The following GNAT2 variants were observed in gnomAD, a reference collection of about 807,000 sequenced individuals.
The protein encoded by GNAT2 is G protein subunit alpha transducin 2.
A neutral mutation model predicts 40.9 loss-of-function variants in GNAT2; 32 were observed. The observed-to-expected ratio is 0.78, with a 90% CI of 0.59 to 1.05. The LOEUF (loss-of-function observed/expected upper bound fraction) is 1.05. GNAT2 is among the 50% of genes least tolerant of loss of function. The probability of loss-of-function intolerance (pLI) is 0.00; values close to 1 mark genes in which losing one functional copy is unlikely to be tolerated. For missense variants in GNAT2, 355 were observed against 431.5 expected (o/e 0.82, Z 1.57); for synonymous variants, 141 against 157.2 (o/e 0.90, Z 0.77).
At chr1:109,612,277 C>G in intron 2 of GNAT2, 1 of 205,520 alleles carries the variant, frequency 4.9e-6, no homozygotes, top group Admixed American at 5.2e-5. Flanking sequence ...CAAGAAGGAA[C>G]CACTATACTT....
chr1:109,603,290 T>C lies in GNAT2; in HGVS notation c.*64A>G, dbSNP rs1227991598. 2 of 865,942 alleles carry C rather than the reference T, an allele frequency of 2.3e-6. No individual in the cohort carries two copies. The highest frequency in any genetic ancestry group is 4.0e-6 in the Non-Finnish European group (2 of 505,796). 53.6% of individuals were successfully genotyped at this position (865,942 alleles called of 1,614,324 possible). ...TGTCATGGTATATTGACTATAATTT[T>C]CTGTTTTTAATTACCCAGATTCCAA... On this transcript the variant is annotated 3_prime_UTR_variant, in exon 9 of 9. Transcript: ENST00000679935.
chr1:109,610,109 C>T lies in GNAT2; in HGVS notation c.234G>A (p.Leu78=). Residue 78 remains leucine (L), a synonymous_variant, in exon 4 of 9, where the codon CTG becomes CTA. Transcript: ENST00000679935. ...EFKAIIYGNV[L]QSILAIIRAM... is the part of the protein sequence containing the mutation. ...CCCGGATGATAGCCAGGATGGACTG[C>T]AGCACATTTCCATAGATGATAGCCT... 6.2e-7 allele frequency: 1 copy of T among 1,613,440 alleles called. No individual in the cohort carries two copies. Among genetic ancestry groups the T allele is most frequent in the Non-Finnish European group, 8.5e-7 (1 of 1,179,360 alleles).
intron 1 of GNAT2, chr1:109,618,209 T>C (rs1299833596): frequency 6.6e-6 from 1 of 152,264 alleles, no homozygotes; most frequent in Non-Finnish European, 1.5e-5. Context: ...GTTTCTTTTC[T>C]ACCCATGTAT....
intron 2 of GNAT2, 166 bp downstream of exon 2, chr1:109,612,587 T>C (rs1649830291): frequency 2.3e-5 from 16 of 681,610 alleles, no homozygotes; most frequent in Admixed American, 2.0e-4. Flanking sequence ...TTAGGCCCCA[T>C]ATTAACTCAG....
chr1:109,612,557 G>A, intron 2 of GNAT2, 196 bp downstream of exon 2: 1 of 616,094 alleles, frequency 1.6e-6, no homozygotes, highest in Non-Finnish European at 2.9e-6. Flanking sequence ...TGGCATTCTG[G>A]ATCCCCTTGG....
chr1:109,606,148 A>G (rs369242630), intron 6 of GNAT2, 49 bp from the exon 7 acceptor site: 24 of 1,609,016 alleles, frequency 1.5e-5, no homozygotes, highest in African/African-American at 9.4e-5. Context: ...CATACGACCT[A>G]TATGCCTTTG....
Position 109,606,062 on chromosome 1 carries a change from T to C in GNAT2, c.628A>G (p.Lys210Glu). The C allele has an allele frequency of 4.3e-6, 7 of 1,612,934 alleles. No homozygotes were observed. The highest frequency in any genetic ancestry group is 5.9e-6 in the Non-Finnish European group (7 of 1,178,910). Residue 210 changes from lysine to glutamate, a missense_variant, in exon 7 of 9, where the codon AAG becomes GAG. Physicochemically the swap from Lys to Glu is moderately conservative, Grantham distance 56 (BLOSUM62 1). Coordinates refer to ENST00000679935, the MANE Select transcript of GNAT2 (RefSeq NM_001377295.2). ...ACTCCCTCGAAGCAGTGGATCCACT[T>C]CTTTCTCTCGGATCTCTGCCCTCCC... ...DVGGQRSERK[K>E]WIHCFEGVTC...
intron 3 of GNAT2, 119 bp downstream of exon 3, chr1:109,610,346 A>T: frequency 8.3e-7 from 1 of 1,203,002 alleles, no homozygotes; most frequent in South Asian, 1.2e-5. Flanking sequence ...GGGGCATTGG[A>T]ATCAGATCCT....
chr1:109,609,543 A>C (rs1328253287), intron 4 of GNAT2: 3 of 211,246 alleles, frequency 1.4e-5, no homozygotes, highest in African/African-American at 7.0e-5. Context: ...GAGGTGGGAG[A>C]ATCACTTAAG....
intron 7 of GNAT2, 149 bp from the exon 8 acceptor site, chr1:109,604,253 C>A (rs969994356): frequency 6.8e-5 from 47 of 695,398 alleles, no homozygotes; most frequent in Non-Finnish European, 1.0e-4. Flanking sequence ...AGAGTAAAGC[C>A]AGAGAGATGT....
intron 7 of GNAT2, 198 bp from the exon 8 acceptor site, chr1:109,604,302 G>T: frequency 1.7e-6 from 1 of 595,520 alleles, no homozygotes; most frequent in Non-Finnish European, 3.0e-6. Flanking sequence ...ATAGCTGTGT[G>T]ACTTGTGGAA....
At chr1:109,619,266 C>G (rs1231706063) in intron 1 of GNAT2, among the ~76,000 whole-genome samples, 1 of 152,190 alleles carries the variant, frequency 6.6e-6, no homozygotes, top group African/African-American at 2.4e-5. Flanking sequence ...CTTATATTAA[C>G]TCATTTATCT....
intron 1 of GNAT2, chr1:109,613,282 T>C: frequency 3.4e-6 from 1 of 291,772 alleles, no homozygotes; most frequent in Non-Finnish European, 6.7e-6. Flanking sequence ...GTCTCTTGCT[T>C]CCTTAGATTT....
Position 109,603,193 on chromosome 1 carries a change from C to T in GNAT2, c.*161G>A. The T allele has an allele frequency of 1.5e-6, 1 of 657,212 alleles. No individual in the cohort carries two copies. Among genetic ancestry groups the T allele is most frequent in the Non-Finnish European group, 2.7e-6 (1 of 364,060 alleles). The allele number at this position is 657,212 out of a possible 1,614,324, so 40.7% of individuals were successfully genotyped here. A position where few individuals can be genotyped will look rare whatever the true frequency, so the allele number is the denominator to read the frequency against. On this transcript the variant is annotated 3_prime_UTR_variant, in exon 9 of 9. Coordinates refer to ENST00000679935, the MANE Select transcript of GNAT2 (RefSeq NM_001377295.2). Reference sequence around the variant, plus strand: ...TCTTTAAGCTGCAATAGCTATCCCACTTTGAAAAGAACGTATGAAATACAG... The same window carrying T: ...TCTTTAAGCTGCAATAGCTATCCCATTTTGAAAAGAACGTATGAAATACAG...
chr1:109,610,006 T>C (rs779825432), intron 4 of GNAT2, 34 bp downstream of exon 4: 3 of 1,609,000 alleles, frequency 1.9e-6, no homozygotes, highest in Non-Finnish European at 1.7e-6. Context: ...GCCTTTCTGC[T>C]TCCACCCTTA....
intron 8 of GNAT2, 113 bp downstream of exon 8, chr1:109,603,838 C>T: frequency 4.8e-6 from 4 of 836,116 alleles, no homozygotes; most frequent in Middle Eastern, 3.4e-4. Context: ...AACCCTGTAA[C>T]TGTGCCCAAG....
chr1:109,608,119 C>T, intron 5 of GNAT2: 1 of 193,702 alleles, frequency 5.2e-6, no homozygotes, highest in Non-Finnish European at 1.1e-5. Flanking sequence ...AGTTTGTGTC[C>T]CCTGCCTTGG....
In GNAT2 at chr1:109,608,667, C is replaced by G; in HGVS notation, c.425G>C (p.Arg142Thr). 1.9e-6 allele frequency: 3 copies of G among 1,614,134 alleles called. No individual in the cohort carries two copies. Among genetic ancestry groups the G allele is most frequent in the Non-Finnish European group, 2.5e-6 (3 of 1,179,998 alleles). Residue 142 changes from arginine to threonine, a missense_variant, in exon 5 of 9, where the codon AGA becomes ACA. By Grantham distance (71) the Arg-to-Thr change is moderately conservative. Transcript: ENST00000679935. ...GTCATTAAGCTGGTATTCTGCAGCT[C>G]TCTCGAAGCAGGCTTGCACCCCACC... ...KDGGVQACFE[R>T]AAEYQLNDSA...
At chr1:109,616,070 T>C (rs917346633) in intron 1 of GNAT2, 1 of 152,272 alleles carries the variant, frequency 6.6e-6, no homozygotes, top group African/African-American at 2.4e-5. Flanking sequence ...GAGAGGGAAC[T>C]GCTAGCCCTC....
Sources: allele counts gnomAD v4.1 joint callset (sites outside exome capture counted in the v4.1 genomes callset), GRCh38; gene constraint gnomAD v4.1.1; transcripts MANE v1.5; gene names NCBI Gene and HGNC (gene_info 2026-07-23, HGNC 2026-07-21).